Variants in PLA2R1 observed in about 807,000 individuals in gnomAD.
PLA2R1 encodes secretory phospholipase A2 receptor.
A neutral mutation model predicts 195.9 loss-of-function variants in PLA2R1; 158 were observed. That is an observed-to-expected ratio of 0.81 (90% CI 0.71 to 0.92). The LOEUF (loss-of-function observed/expected upper bound fraction) is 0.92, where lower values mean the gene tolerates loss of function less well. Ranked by LOEUF, PLA2R1 falls within the 40% of genes least tolerant of loss-of-function variation. The probability of loss-of-function intolerance (pLI) is 0.00; values close to 1 mark genes in which losing one functional copy is unlikely to be tolerated. For synonymous variants in PLA2R1, 586 were observed against 598.2 expected (o/e 0.98, Z 0.30); for missense variants, 1,626 against 1,764.6 (o/e 0.92, Z 1.41).
intron 11 of PLA2R1, among the ~76,000 whole-genome samples, chr2:159,999,879 C>A (rs893706885): frequency 1.1e-4 from 16 of 152,156 alleles, no homozygotes; most frequent in African/African-American, 3.9e-4. Context: ...TGAGAAATAA[C>A]CAGCAGATTA....
the PLA2R1 span, among the ~76,000 whole-genome samples, chr2:159,924,569 A>G: frequency 5.3e-5 from 8 of 152,174 alleles, no homozygotes; most frequent in Non-Finnish European, 1.0e-4. Context: ...GTCTTCAAAG[A>G]TTCATAAAAA....
intron 20 of PLA2R1, among the ~76,000 whole-genome samples, chr2:159,967,034 T>C (rs1217820631): frequency 6.6e-6 from 1 of 152,050 alleles, no homozygotes; most frequent in Non-Finnish European, 1.5e-5. Flanking sequence ...AGTCCCTCAA[T>C]TCACTAGTGG....
At chr2:160,012,542 C>G (rs1166666880) in intron 10 of PLA2R1, among the ~76,000 whole-genome samples, 2 of 152,146 alleles carry the variant, frequency 1.3e-5, no homozygotes, top group Non-Finnish European at 2.9e-5. Flanking sequence ...TTTGAATATC[C>G]TCCACATTTT....
In PLA2R1 at chr2:159,944,888, C is replaced by T. The variant is rs376963731; in HGVS notation, c.4144+18G>A. The T allele has an allele frequency of 8.8e-6, 14 of 1,587,352 alleles. No individual in the cohort carries two copies. Among genetic ancestry groups the T allele is most frequent in the Non-Finnish European group, 1.2e-5 (14 of 1,157,028 alleles). ...AAGGTAGAATCAAAATGAAGAATTA[C>T]TCTCTGACTTTACCTACCTGCCTCC... On this transcript the variant is annotated intron_variant, in intron 28 of 29. Transcript: ENST00000283243.
chr2:160,006,603 T>C (rs564517129), intron 10 of PLA2R1, among the ~76,000 whole-genome samples: 1 of 152,288 alleles, frequency 6.6e-6, no homozygotes, highest in African/African-American at 2.4e-5. Flanking sequence ...AAGAAAAACA[T>C]GACTATTAAA....
At chr2:160,012,689 G>A (rs1441240111) in intron 10 of PLA2R1, among the ~76,000 whole-genome samples, 1 of 152,140 alleles carries the variant, frequency 6.6e-6, no homozygotes, top group African/African-American at 2.4e-5. Context: ...GAGGCAGGTG[G>A]ATCACTTGAG....
intron 11 of PLA2R1, among the ~76,000 whole-genome samples, chr2:160,004,626 C>G (rs1691847882): frequency 6.6e-6 from 1 of 152,190 alleles, no homozygotes; most frequent in Non-Finnish European, 1.5e-5. Context: ...CCTCTAGATA[C>G]AAACTTAGTA....
At chr2:160,045,704 A>G (rs1694815858) in intron 1 of PLA2R1, among the ~76,000 whole-genome samples, 1 of 152,228 alleles carries the variant, frequency 6.6e-6, no homozygotes, top group South Asian at 2.1e-4. Flanking sequence ...TACTGGTCAG[A>G]ATACAATGTT....
chr2:160,059,784 C>T (rs968056100), intron 1 of PLA2R1, among the ~76,000 whole-genome samples: 1 of 152,178 alleles, frequency 6.6e-6, no homozygotes, highest in African/African-American at 2.4e-5. Context: ...TACGTGGCAG[C>T]GGCAAGAGAA....
At chr2:160,005,874 AT>A (rs1691949722) in intron 10 of PLA2R1, 53 bp from the exon 11 acceptor site, 7 of 1,276,572 alleles carry the variant, frequency 5.5e-6, no homozygotes, top group African/African-American at 1.5e-5. Context: ...CAATAAAAAA[AT>A]GTCATTAAAG....
intron 14 of PLA2R1, among the ~76,000 whole-genome samples, chr2:159,978,719 C>A (rs958619657): frequency 1.2e-4 from 18 of 152,104 alleles, no homozygotes; most frequent in African/African-American, 4.3e-4. Flanking sequence ...GTTTTCTGAG[C>A]CTTGGTTTCT....
At position 159,949,793 on chromosome 2, in the gene PLA2R1, A is replaced by G; in HGVS notation, c.3541-17T>C. 6.2e-7 allele frequency: 1 copy of G among 1,608,112 alleles called. No homozygotes were observed. Among genetic ancestry groups the G allele is most frequent in the African/African-American group, 1.3e-5 (1 of 74,952 alleles). On this transcript the variant is annotated splice_polypyrimidine_tract_variant and intron_variant, in intron 24 of 29. Coordinates refer to ENST00000283243, the MANE Select transcript of PLA2R1 (RefSeq NM_007366.5). ...AAGACCATTCTGTGGAGGAAAACTGAGCCATCATTTCCTTGCCACGACGGC... is the reference window on the plus strand; with the variant it reads ...AAGACCATTCTGTGGAGGAAAACTGGGCCATCATTTCCTTGCCACGACGGC...
Position 160,016,634 on chromosome 2 carries a change from C to CTG in PLA2R1, c.1530_1531insCA (p.Ala511GlnfsTer41). On this transcript the variant is annotated frameshift_variant, in exon 9 of 30. Transcript: ENST00000283243. LOFTEE classifies it high-confidence loss of function. ...CTTACCTCTTGACATCCTGATTCAG[C>CTG]ATCAGAGAGGACATGGCCTGCTTTT... 1 of 1,599,222 alleles carries CTG rather than the reference C, an allele frequency of 6.3e-7. No homozygotes were observed. The highest frequency in any genetic ancestry group is 8.6e-7 in the Non-Finnish European group (1 of 1,166,420).
At chr2:159,981,740 C>T (rs928729788) in intron 13 of PLA2R1, among the ~76,000 whole-genome samples, 12 of 152,114 alleles carry the variant, frequency 7.9e-5, no homozygotes, top group African/African-American at 1.9e-4. Context: ...AGACGGTTCT[C>T]GCTCTGTTGC....
In PLA2R1 at chr2:159,981,216, C is replaced by CGTGTGTGT. The variant is rs3061613; in HGVS notation, c.2184-1310_2184-1303dup. On this transcript the variant is annotated intron_variant, in intron 13 of 29. Coordinates refer to ENST00000283243, the MANE Select transcript of PLA2R1 (RefSeq NM_007366.5). ...TAATAAACACACATGTATGTGCATA[C>CGTGTGTGT]GTGTGTGTGTGTGTGTGTGTGTGTG... 1.1e-3 allele frequency among the ~76,000 whole-genome samples: 159 copies of CGTGTGTGT among 148,212 alleles called. 1 individual carries two copies. The highest frequency in any genetic ancestry group is 2.2e-3 in the East Asian group (11 of 5,042).
intron 2 of PLA2R1, among the ~76,000 whole-genome samples, chr2:160,042,800 CGTGTGTGTGTGT>C (rs111414981): frequency 0.39 from 46,174 of 119,488 alleles, 9,448 homozygotes; most frequent in African/African-American, 0.58. Context: ...TGTGTGTGTG[CGTGTGTGTGTGT>C]GTGTGTGTGT....
intron 15 of PLA2R1, among the ~76,000 whole-genome samples, 171 bp downstream of exon 15, chr2:159,977,113 T>G (rs1398909019): frequency 6.6e-6 from 1 of 152,262 alleles, no homozygotes; most frequent in African/African-American, 2.4e-5. Context: ...CTTGGCATCC[T>G]GCATTGGTGT....
chr2:160,033,719 G>A (rs1271634081), intron 3 of PLA2R1, among the ~76,000 whole-genome samples: 1 of 152,200 alleles, frequency 6.6e-6, no homozygotes, highest in Non-Finnish European at 1.5e-5. Flanking sequence ...ATTGCATAGT[G>A]TGCTCAAAAG....
intron 8 of PLA2R1, among the ~76,000 whole-genome samples, chr2:160,017,501 T>C (rs1385349342): frequency 6.6e-6 from 1 of 152,164 alleles, no homozygotes; most frequent in African/African-American, 2.4e-5. Context: ...GAAGCTACCA[T>C]GAAACACCCT....
Sources: gnomAD v4.1 joint callset for allele counts (sites outside exome capture counted in the v4.1 genomes callset) on GRCh38, gnomAD v4.1.1 for gene constraint, MANE v1.5 for transcripts, NCBI Gene and HGNC (gene_info 2026-07-23, HGNC 2026-07-21) for gene names.